PKP3: variants seen among roughly 807,000 people sequenced by gnomAD.
PKP3 encodes the protein plakophilin 3, also known as plakophilin-3.
PKP3 carries 66 observed loss-of-function variants against 76.5 expected under a neutral mutation model. That is an observed-to-expected ratio of 0.86 (90% CI 0.71 to 1.06). The LOEUF (loss-of-function observed/expected upper bound fraction) is 1.06. Among genes scored for constraint, PKP3 ranks in the 50% least tolerant of loss-of-function variants. The probability of loss-of-function intolerance (pLI) is 0.00; values close to 1 mark genes in which losing one functional copy is unlikely to be tolerated. For synonymous variants in PKP3, 638 were observed against 516.5 expected, an observed-to-expected ratio of 1.24 and a Z score of -3.19; for missense variants, 1,338 against 1,141.0, an observed-to-expected ratio of 1.17 and a Z score of -2.49.
chr11:403,329 A>T, intron 9 of PKP3, 66 bp downstream of exon 9: 8 of 987,190 alleles, frequency 8.1e-6, no homozygotes, highest in Non-Finnish European at 1.0e-5. Context: ...GGGACAGAGG[A>T]GGGAGAGGGA....
chr11:400,850 C>G (rs1167026917), intron 8 of PKP3, 145 bp downstream of exon 8: 4 of 155,342 alleles, frequency 2.6e-5, no homozygotes, highest in African/African-American at 2.3e-4. Flanking sequence ...CCGCCCCGCT[C>G]ACCCCCGACC....
intron 8 of PKP3, among the ~76,000 whole-genome samples, 181 bp downstream of exon 8, chr11:400,886 C>T (rs1847148725): frequency 2.5e-5 from 1 of 40,084 alleles, no homozygotes; most frequent in African/African-American, 1.1e-4. Flanking sequence ...CCGCTCACCC[C>T]CGCCCCGCTC....
chr11:400,161 C>A lies in PKP3; in HGVS notation c.1448+20C>A, dbSNP rs753815544. ...CCTCAGGTGCGCCAGCCTCGGGCAG[C>A]GGGGTGGGGATTGCAGGCGCGGGTC... On this transcript the variant is annotated intron_variant, in intron 6 of 12. Transcript: ENST00000331563. 5 of 1,520,406 alleles carry A rather than the reference C, an allele frequency of 3.3e-6. No homozygotes were observed. The highest frequency in any genetic ancestry group is 4.4e-6 in the Non-Finnish European group (5 of 1,137,358). 94.2% of individuals were successfully genotyped at this position (1,520,406 alleles called of 1,614,324 possible).
rs775032254 is a variant in PKP3 at position 395,123 on chromosome 11, G to A, written c.232+599G>A. ...GGTGCCAGCCAGACCCACCTGTGGC[G>A]GAATCCTGGCCCCACTCACGCGAGT... On this transcript the variant is annotated intron_variant, in intron 1 of 12. Transcript: ENST00000331563. Among the ~76,000 whole-genome samples, 20 of 152,184 alleles carry A rather than the reference G, an allele frequency of 1.3e-4. No homozygotes were observed. In the East Asian group the frequency reaches 2.5e-3, roughly 19 times the overall value.
At chr11:397,486 C>G (rs759723327) in intron 3 of PKP3, 41 bp downstream of exon 3, 15 of 1,611,474 alleles carry the variant, frequency 9.3e-6, no homozygotes, top group Non-Finnish European at 8.5e-6. Context: ...GCTTCTACCA[C>G]GGGCCCAGCC....
At chr11:403,518 T>A in intron 9 of PKP3, 100 bp from the exon 10 acceptor site, 1 of 1,236,880 alleles carries the variant, frequency 8.1e-7, no homozygotes, top group Non-Finnish European at 1.1e-6. Flanking sequence ...GAGGCCCCCC[T>A]GAGGGTGGCG....
rs369216125 is a variant in PKP3, at chr11:400,577, C to G, written c.1609C>G (p.Arg537Gly). The G allele has an allele frequency of 2.0e-4, 293 of 1,483,876 alleles. No individual in the cohort carries two copies. Among genetic ancestry groups the G allele is most frequent in the Middle Eastern group, 2.3e-4 (1 of 4,388 alleles). The allele number at this position is 1,483,876 out of a possible 1,614,324, so 91.9% of individuals were successfully genotyped here. A position where few individuals can be genotyped will look rare whatever the true frequency, so the allele number is the denominator to read the frequency against. Residue 537 changes from arginine to glycine, a missense_variant, in exon 8 of 13, where the codon CGC becomes GGC. Coordinates refer to ENST00000331563, the MANE Select transcript of PKP3 (RefSeq NM_007183.4). ...GTGCGTCCTGCGGAACCTGTCCTAC[C>G]GCCTCTACGACGAGATGCCGCCGTC... is the stretch of plus-strand genomic sequence containing the variant. Reference protein sequence around the residue: ...AVCVLRNLSYRLYDEMPPSAL... With the variant: ...AVCVLRNLSYGLYDEMPPSAL...
At chr11:396,309 G>T in intron 1 of PKP3, 1 of 389,084 alleles carries the variant, frequency 2.6e-6, no homozygotes, top group Non-Finnish European at 4.6e-6. Flanking sequence ...GATGTCAGAG[G>T]CCCTGGCACA....
chr11:404,576 CCTT>C lies in PKP3; in HGVS notation c.*10_*12del. The C allele has an allele frequency of 6.2e-7, 1 of 1,612,220 alleles. No individual in the cohort carries two copies. Among genetic ancestry groups the C allele is most frequent in the Non-Finnish European group, 8.5e-7 (1 of 1,179,488 alleles). On this transcript the variant is annotated 3_prime_UTR_variant, in exon 13 of 13. Coordinates refer to ENST00000331563, the MANE Select transcript of PKP3 (RefSeq NM_007183.4). The surrounding 1 kb of genome is among the most constrained non-coding windows in gnomAD (Gnocchi z 4.2). Reference sequence around the variant, plus strand: ...GGACTTCCTGGGCCCATAGGTGAAGCCTTCTGGAGGAGAAGGTGACGTGGCCCA... The same window carrying C: ...GGACTTCCTGGGCCCATAGGTGAAGCCTGGAGGAGAAGGTGACGTGGCCCA...
rs1298848087 is a variant in PKP3, at chr11:400,370, G to A, written c.1485G>A (p.Lys495=). 2 of 1,549,554 alleles carry A rather than the reference G, an allele frequency of 1.3e-6. No individual in the cohort carries two copies. The highest frequency in any genetic ancestry group is 8.7e-7 in the Non-Finnish European group (1 of 1,146,532). The stretch of plus-strand genomic sequence containing the variant: ...CAGCCTCTCAGGCCACTCGCCAGAA[G>A]ATGCGGGAGTGCCACGGGCTGGTGG... ...LSSASQATRQ[K]MRECHGLVDA... is the part of the protein sequence containing the mutation. The change falls in exon 7 of 13, where the codon AAG becomes AAA. Residue 495 remains lysine, a synonymous_variant. Transcript: ENST00000331563.
chr11:392,637 T>C (rs1190104919), upstream of PKP3: 5 of 1,286,596 alleles, frequency 3.9e-6, no homozygotes, highest in East Asian at 5.6e-5. Flanking sequence ...GATGGAGTCC[T>C]GGACACCTCG....
intron 10 of PKP3, 80 bp from the exon 11 acceptor site, chr11:403,863 G>T: frequency 6.4e-7 from 1 of 1,572,118 alleles, no homozygotes; most frequent in Non-Finnish European, 8.7e-7. Flanking sequence ...GGCCAGTCCA[G>T]CTCCCTGGGG....
In PKP3 at chr11:404,487, C is replaced by T; in HGVS notation, c.2359-47C>T. The T allele has an allele frequency of 6.2e-7, 1 of 1,602,452 alleles. No homozygotes were observed. Among genetic ancestry groups the T allele is most frequent in the East Asian group, 2.2e-5 (1 of 44,820 alleles). On this transcript the variant is annotated intron_variant, in intron 12 of 12. Coordinates refer to ENST00000331563, the MANE Select transcript of PKP3 (RefSeq NM_007183.4). The surrounding 1 kb of genome is among the most constrained non-coding windows in gnomAD (Gnocchi z 4.2). The stretch of plus-strand genomic sequence containing the variant: ...GCAGGAGGGACAGCGGGCAGAGGGC[C>T]ACATGGGCAGACATGCACCCTGACC...
In PKP3 at chr11:397,193, G is replaced by A; in HGVS notation, c.692G>A (p.Trp231Ter). 6.3e-7 allele frequency: 1 copy of A among 1,598,294 alleles called. No individual in the cohort carries two copies. Among genetic ancestry groups the A allele is most frequent in the South Asian group, 1.1e-5 (1 of 90,976 alleles). The change falls in exon 3 of 13, where the codon TGG (tryptophan) becomes TAG (stop). Residue 231 changes from tryptophan (W) to a stop codon, truncating the protein, a stop_gained. Coordinates refer to ENST00000331563, the MANE Select transcript of PKP3 (RefSeq NM_007183.4). LOFTEE classifies it high-confidence loss of function. ...SSSSRAGGLD[W>*]PEATEVSPSR... is the part of the protein sequence containing the mutation. Reference sequence around the variant, plus strand: ...TCCAGCCGGGCAGGGGGGCTGGACTGGCCCGAGGCCACTGAGGTTTCCCCG... The same window carrying A: ...TCCAGCCGGGCAGGGGGGCTGGACTAGCCCGAGGCCACTGAGGTTTCCCCG...
chr11:400,797 G>GA (rs1199798837), intron 8 of PKP3, 92 bp downstream of exon 8: 3 of 506,080 alleles, frequency 5.9e-6, no homozygotes, highest in Admixed American at 2.4e-4. Context: ...GCTCACCCCC[G>GA]CCCCGCTCAC....
intron 1 of PKP3, 121 bp from the exon 2 acceptor site, chr11:396,487 C>G (rs1269833764): frequency 1.8e-5 from 12 of 670,094 alleles, no homozygotes; most frequent in Middle Eastern, 4.2e-4. Flanking sequence ...CCCCTGGCCT[C>G]CCTGCCCTGG....
At position 394,305 on chromosome 11, in the gene PKP3, A is replaced by G. The variant is rs1847014363; in HGVS notation, c.13A>G (p.Asn5Asp). ...TGGACCTGCCGCCATGCAGGACGGT[A>G]ACTTCCTGCTGTCGGCCCTGCAGCC... MQDG[N>D]FLLSALQPEA... Residue 5 changes from asparagine to aspartate, a missense_variant, in exon 1 of 13, where the codon AAC becomes GAC. Asn to Asp is a conservative substitution (Grantham distance 23). Transcript: ENST00000331563. The G allele has an allele frequency of 6.6e-7, 1 of 1,514,358 alleles. No individual in the cohort carries two copies. The allele number at this position is 1,514,358 out of a possible 1,614,324, so 93.8% of individuals were successfully genotyped here.
chr11:394,088 T>C (rs1030324774), upstream of PKP3: 2 of 698,940 alleles, frequency 2.9e-6, no homozygotes, highest in Non-Finnish European at 4.3e-6. Context: ...AATTCCACCT[T>C]AAGCAGGCGG....
rs1266880878 is a variant in PKP3, at chr11:400,247, G to T, written c.1449-87G>T. On this transcript the variant is annotated intron_variant, in intron 6 of 12. Transcript: ENST00000331563. ...CCACACACCGCACGCCTCGCGCTGGGGATGGGCGTGCGAGGGCCCACGATG... is the reference window on the plus strand; with the variant it reads ...CCACACACCGCACGCCTCGCGCTGGTGATGGGCGTGCGAGGGCCCACGATG... 5 of 1,416,476 alleles carry T rather than the reference G, an allele frequency of 3.5e-6. No individual in the cohort carries two copies. In the East Asian group the frequency reaches 7.5e-5, roughly 21 times the overall value. 87.7% of individuals were successfully genotyped at this position (1,416,476 alleles called of 1,614,324 possible).
Sources: gnomAD v4.1 joint callset for allele counts (sites outside exome capture counted in the v4.1 genomes callset) on GRCh38, gnomAD v4.1.1 for gene constraint, Gnocchi (gnomAD v3.1) non-coding constraint, MANE v1.5 for transcripts, NCBI Gene and HGNC (gene_info 2026-07-23, HGNC 2026-07-21) for gene names.